NRIP1: variants seen among roughly 807,000 people sequenced by gnomAD.
NRIP1 encodes nuclear receptor-interacting protein 1.
Under a neutral mutation model 75.0 loss-of-function variants are expected in NRIP1, and 28 were observed. That is an observed-to-expected ratio of 0.37 (90% confidence interval 0.28 to 0.51). The LOEUF is 0.51. Ranked by LOEUF, NRIP1 falls within the 20% of genes least tolerant of loss-of-function variation. The pLI, the probability that NRIP1 is intolerant of heterozygous loss-of-function variation, is 0.92. For synonymous variants in NRIP1, 526 were observed against 487.6 expected (o/e 1.08, Z -1.04); for missense variants, 1,435 against 1,343.7 (o/e 1.07, Z -1.06).
intron 1 of NRIP1, among the ~76,000 whole-genome samples, chr21:15,049,209 A>C (rs1383499045): frequency 6.6e-6 from 1 of 152,188 alleles, no homozygotes; most frequent in African/African-American, 2.4e-5. Context: ...AAAAGAATTT[A>C]AAACACAGGA....
In NRIP1 at chr21:14,965,656, AG is replaced by A. The variant is rs1028853539; in HGVS notation, c.2536del (p.Leu846PhefsTer2). 1 of 1,613,254 alleles carries A rather than the reference AG, an allele frequency of 6.2e-7. No individual in the cohort carries two copies. On this transcript the variant is annotated frameshift_variant, in exon 4 of 4. Coordinates refer to ENST00000318948, the MANE Select transcript of NRIP1 (RefSeq NM_003489.4). LOFTEE classifies it high-confidence loss of function. Reference protein sequence around the residue: ...DRSHRNNEMALLESKNLCMVP... With the variant: ...DRSHRNNEMAXLESKNLCMVP... ...CATGCAAAGATTCTTTGATTCTAGAAGTGCCATTTCATTATTTCTGTGACTC... is the reference window on the plus strand; with the variant it reads ...CATGCAAAGATTCTTTGATTCTAGAATGCCATTTCATTATTTCTGTGACTC...
intron 2 of NRIP1, among the ~76,000 whole-genome samples, chr21:15,020,112 A>AT (rs1305970395): frequency 6.6e-6 from 1 of 152,200 alleles, no homozygotes; most frequent in Non-Finnish European, 1.5e-5. Context: ...TTGGTCCTAA[A>AT]ATATATATGA....
At chr21:14,976,018 C>T (rs1206539075) in intron 3 of NRIP1, among the ~76,000 whole-genome samples, 2 of 152,028 alleles carry the variant, frequency 1.3e-5, no homozygotes, top group Admixed American at 1.3e-4. Flanking sequence ...CTACCACTTA[C>T]AAATATATTT....
intron 3 of NRIP1, among the ~76,000 whole-genome samples, chr21:14,995,507 A>C (rs1681458637): frequency 6.6e-6 from 1 of 152,260 alleles, no homozygotes; most frequent in Admixed American, 6.5e-5. Flanking sequence ...AAAACGCTTC[A>C]GAATCTTTAA....
chr21:14,970,751 C>A (rs2086882392), intron 3 of NRIP1, among the ~76,000 whole-genome samples: 3 of 152,142 alleles, frequency 2.0e-5, no homozygotes, highest in Non-Finnish European at 2.9e-5. Context: ...ATAAAACATA[C>A]TTTATTTAAG....
At chr21:15,060,438 A>G (rs1435537069) in intron 1 of NRIP1, among the ~76,000 whole-genome samples, 1 of 151,684 alleles carries the variant, frequency 6.6e-6, no homozygotes, top group Non-Finnish European at 1.5e-5. Flanking sequence ...TTATTTCTGC[A>G]GTTATTTACA....
At chr21:15,045,699 G>A (rs1306680195) in intron 1 of NRIP1, among the ~76,000 whole-genome samples, 2 of 152,164 alleles carry the variant, frequency 1.3e-5, no homozygotes, top group African/African-American at 4.8e-5. Context: ...AATGCTGTTT[G>A]ATAGCATTTT....
intron 3 of NRIP1, among the ~76,000 whole-genome samples, chr21:14,970,723 A>T (rs2086881143): frequency 6.6e-6 from 1 of 152,130 alleles, no homozygotes; most frequent in African/African-American, 2.4e-5. Flanking sequence ...TCATTTGAAA[A>T]CTGGTTTGTA....
At chr21:15,026,574 T>C (rs7283762) in intron 2 of NRIP1, among the ~76,000 whole-genome samples, 19,594 of 152,134 alleles carry the variant, frequency 0.13, 1,406 homozygotes, top group East Asian at 0.31. Flanking sequence ...TAAAAGAACG[T>C]TGACATCAGC....
intron 3 of NRIP1, among the ~76,000 whole-genome samples, chr21:14,997,701 A>G (rs994695767): frequency 8.1e-5 from 12 of 148,806 alleles, no homozygotes; most frequent in Admixed American, 6.7e-4. Context: ...ATATGAAAAA[A>G]TATATTTTTA....
intron 3 of NRIP1, among the ~76,000 whole-genome samples, chr21:15,013,822 C>T (rs1306660778): frequency 6.6e-6 from 1 of 152,172 alleles, no homozygotes; most frequent in Admixed American, 6.5e-5. Context: ...TTTAATAATT[C>T]CAAAAGTAAT....
chr21:15,000,809 A>AT (rs2087832297), intron 3 of NRIP1, among the ~76,000 whole-genome samples: 1 of 152,202 alleles, frequency 6.6e-6, no homozygotes, highest in African/African-American at 2.4e-5. Flanking sequence ...TTTGATGCCT[A>AT]TATCCAATTG....
At chr21:15,042,991 C>T (rs1473256977) in intron 2 of NRIP1, among the ~76,000 whole-genome samples, 1 of 152,150 alleles carries the variant, frequency 6.6e-6, no homozygotes, top group Non-Finnish European at 1.5e-5. Context: ...GAGAGAATTT[C>T]GCAAATGGAT....
intron 3 of NRIP1, among the ~76,000 whole-genome samples, chr21:14,971,766 G>A (rs2086907737): frequency 6.6e-6 from 1 of 152,126 alleles, no homozygotes; most frequent in Non-Finnish European, 1.5e-5. Context: ...TTTTAGTTCA[G>A]AAAATGTGGT....
chr21:15,047,521 C>A (rs1428089126), intron 1 of NRIP1, among the ~76,000 whole-genome samples: 1 of 152,176 alleles, frequency 6.6e-6, no homozygotes, highest in African/African-American at 2.4e-5. Context: ...GCCTGGGCGG[C>A]AGAGCGAGAC....
At chr21:14,986,412 C>A (rs1341775766) in intron 3 of NRIP1, among the ~76,000 whole-genome samples, 1 of 152,164 alleles carries the variant, frequency 6.6e-6, no homozygotes, top group African/African-American at 2.4e-5. Context: ...CAACTTTTTA[C>A]CATATTAGCA....
At chr21:15,016,446 T>A (rs1463343906) in intron 2 of NRIP1, among the ~76,000 whole-genome samples, 2 of 152,192 alleles carry the variant, frequency 1.3e-5, no homozygotes, top group Non-Finnish European at 2.9e-5. Flanking sequence ...GGCACGCCCA[T>A]CTTCCCGTTA....
At chr21:14,990,938 T>TCC (rs2087554499) in intron 3 of NRIP1, among the ~76,000 whole-genome samples, 1 of 152,116 alleles carries the variant, frequency 6.6e-6, no homozygotes, top group African/African-American at 2.4e-5. Context: ...TTACCCTAGG[T>TCC]CAGGTAAGGC....
At chr21:14,978,025 A>C (rs2087123199) in intron 3 of NRIP1, among the ~76,000 whole-genome samples, 1 of 152,174 alleles carries the variant, frequency 6.6e-6, no homozygotes, top group Non-Finnish European at 1.5e-5. Flanking sequence ...CTGCAACCTG[A>C]AGGACTTAAT....
Sources: allele counts gnomAD v4.1 joint callset (sites outside exome capture counted in the v4.1 genomes callset), GRCh38; gene constraint gnomAD v4.1.1; transcripts MANE v1.5; gene names NCBI Gene and HGNC (gene_info 2026-07-23, HGNC 2026-07-21).